SPART: variants seen among roughly 807,000 people sequenced by gnomAD.
SPART encodes spastic paraplegia 20 (Troyer syndrome).
A neutral mutation model predicts 58.7 loss-of-function variants in SPART; 35 were observed. The observed-to-expected ratio is 0.60, with a 90% confidence interval of 0.46 to 0.79. The LOEUF is 0.79. SPART is among the 30% of genes least tolerant of loss of function. SPART has a pLI of 0.00. For missense variants in SPART, 730 were observed against 786.1 expected (o/e 0.93, Z 0.85); for synonymous variants, 284 against 280.7 (o/e 1.01, Z -0.12).
intron 4 of SPART, among the ~76,000 whole-genome samples, chr13:36,328,251 C>T (rs989580549): frequency 2.0e-5 from 3 of 152,174 alleles, no homozygotes; most frequent in South Asian, 2.1e-4. Flanking sequence ...AGAATATTCA[C>T]GTGATATTCA....
chr13:36,324,305 T>G (rs1882698931), intron 5 of SPART, among the ~76,000 whole-genome samples: 1 of 152,186 alleles, frequency 6.6e-6, no homozygotes, highest in African/African-American at 2.4e-5. Context: ...TGATTCACAT[T>G]TGAAGCCCCA....
chr13:36,358,166 C>T (rs978183336), intron 1 of SPART, among the ~76,000 whole-genome samples: 2 of 152,034 alleles, frequency 1.3e-5, no homozygotes, highest in South Asian at 2.1e-4. Context: ...GGCAAAAATA[C>T]GCCAACATTT....
At chr13:36,338,140 C>T (rs1016520692) in intron 1 of SPART, among the ~76,000 whole-genome samples, 2 of 152,138 alleles carry the variant, frequency 1.3e-5, no homozygotes, top group African/African-American at 2.4e-5. Flanking sequence ...AGGGGTCTTG[C>T]AACTTATCTC....
At chr13:36,313,874 ACT>A (rs1881390384) in intron 6 of SPART, 1 of 291,278 alleles carries the variant, frequency 3.4e-6, no homozygotes, top group Admixed American at 5.0e-5. Context: ...TACATTCAGA[ACT>A]CTTTTTCAAA....
At chr13:36,323,189 A>C (rs1882590141) in intron 5 of SPART, among the ~76,000 whole-genome samples, 1 of 152,180 alleles carries the variant, frequency 6.6e-6, no homozygotes, top group East Asian at 1.9e-4. Context: ...TCCATCTGTA[A>C]ATTAAATTGG....
At chr13:36,321,039 T>C (rs1690231318) in intron 5 of SPART, among the ~76,000 whole-genome samples, 1 of 152,166 alleles carries the variant, frequency 6.6e-6, no homozygotes, top group Non-Finnish European at 1.5e-5. Flanking sequence ...ACCACTTTCC[T>C]TTCTCAGAAT....
chr13:36,363,199 T>C (rs2137725892), intron 1 of SPART, among the ~76,000 whole-genome samples: 1 of 152,336 alleles, frequency 6.6e-6, no homozygotes, highest in African/African-American at 2.4e-5. Context: ...TAAAGATGAG[T>C]AATGATTCTT....
chr13:36,325,095 G>A (rs540324486), intron 5 of SPART, among the ~76,000 whole-genome samples: 3 of 152,286 alleles, frequency 2.0e-5, no homozygotes, highest in African/African-American at 7.2e-5. Context: ...AGTCACCGCG[G>A]ATGTGATGGC....
At chr13:36,348,956 T>C (rs2137685496), upstream of SPART, among the ~76,000 whole-genome samples, 1 of 152,248 alleles carries the variant, frequency 6.6e-6, no homozygotes, top group Admixed American at 6.5e-5. Context: ...CACATTCCAA[T>C]TTCAAAACTT....
rs767276973 is a variant in SPART at position 36,327,948 on chromosome 13, C to T, written c.1165-1250G>A. On this transcript the variant is annotated intron_variant, in intron 4 of 8. Transcript: ENST00000438666. Reference sequence around the variant, plus strand: ...GGCGGAGGTTGCAGTCAGCTGAGATCGCACCACTGCACTCCAGCCTGGGCG... The same window carrying T: ...GGCGGAGGTTGCAGTCAGCTGAGATTGCACCACTGCACTCCAGCCTGGGCG... Among the ~76,000 whole-genome samples the T allele has an allele frequency of 1.2e-3, 184 of 152,060 alleles. 1 individual carries two copies. The highest frequency in any genetic ancestry group is 1.8e-3 in the Non-Finnish European group (121 of 68,008).
chr13:36,305,754 G>A (rs1362311823), intron 8 of SPART, among the ~76,000 whole-genome samples: 1 of 151,904 alleles, frequency 6.6e-6, no homozygotes, highest in African/African-American at 2.4e-5. Context: ...ACCCCATTTT[G>A]GTAACAGGCT....
intron 1 of SPART, among the ~76,000 whole-genome samples, chr13:36,364,027 GT>G (rs781499670): frequency 6.6e-6 from 1 of 152,046 alleles, no homozygotes; most frequent in Non-Finnish European, 1.5e-5. Flanking sequence ...GTAGTATAAA[GT>G]TTTACATATC....
intron 5 of SPART, among the ~76,000 whole-genome samples, chr13:36,321,761 GC>G (rs1882426301): frequency 1.3e-5 from 2 of 152,118 alleles, no homozygotes; most frequent in Non-Finnish European, 2.9e-5. Context: ...CTGAGCCCAA[GC>G]CAAGCCATCG....
chr13:36,351,865 A>G (rs1432985532), intron 1 of SPART, among the ~76,000 whole-genome samples: 1 of 152,220 alleles, frequency 6.6e-6, no homozygotes, highest in Non-Finnish European at 1.5e-5. Context: ...TAATATTGTC[A>G]GTGGGTATTA....
At chr13:36,365,041 T>G (rs7339142) in intron 1 of SPART, among the ~76,000 whole-genome samples, 16,534 of 152,196 alleles carry the variant, frequency 0.11, 869 homozygotes, top group Middle Eastern at 0.16. Flanking sequence ...CCTCTGACAC[T>G]GGAGGTTGCA....
At position 36,312,451 on chromosome 13, in the gene SPART, A is replaced by G; in HGVS notation, c.1510T>C (p.Cys504Arg). Reference sequence around the variant, plus strand: ...TGTGGAGCTAGTTCTTTTCCAACGCAATTTGCTACAGTGCAAACTCCATCA... The same window carrying G: ...TGTGGAGCTAGTTCTTTTCCAACGCGATTTGCTACAGTGCAAACTCCATCA... ...LVDGVCTVANCVGKELAPHVK... is the reference protein window; with the variant it reads ...LVDGVCTVANRVGKELAPHVK... The change falls in exon 7 of 9, where the codon TGC (cysteine) becomes CGC (arginine). Residue 504 changes from cysteine to arginine, a missense_variant. Cys to Arg is a radical substitution (Grantham distance 180). Transcript: ENST00000438666. The G allele has an allele frequency of 2.5e-6, 4 of 1,614,134 alleles. No individual in the cohort carries two copies. Among genetic ancestry groups the G allele is most frequent in the Non-Finnish European group, 3.4e-6 (4 of 1,180,032 alleles).
intron 1 of SPART, among the ~76,000 whole-genome samples, chr13:36,353,254 C>G (rs1182974265): frequency 1.3e-5 from 2 of 152,158 alleles, no homozygotes; most frequent in Non-Finnish European, 2.9e-5. Context: ...AAGAATGATG[C>G]TGAGAGAACC....
At chr13:36,342,847 T>C (rs1048457843) in intron 1 of SPART, among the ~76,000 whole-genome samples, 2 of 152,230 alleles carry the variant, frequency 1.3e-5, no homozygotes, top group African/African-American at 4.8e-5. Context: ...TAAACTGATC[T>C]GCCTGAGAAT....
intron 1 of SPART, chr13:36,368,296 CACAA>C (rs1167230241): frequency 2.8e-6 from 1 of 356,444 alleles, no homozygotes; most frequent in African/African-American, 2.2e-5. Flanking sequence ...TCCAAATGAA[CACAA>C]ACAAATCTGG....
Sources: allele counts gnomAD v4.1 joint callset (sites outside exome capture counted in the v4.1 genomes callset), GRCh38; gene constraint gnomAD v4.1.1; transcripts MANE v1.5; gene names NCBI Gene and HGNC (gene_info 2026-07-23, HGNC 2026-07-21).